ARHGEF28: variants seen among roughly 807,000 people sequenced by gnomAD.
The protein encoded by ARHGEF28 is Rho guanine nucleotide exchange factor 28.
Under a neutral mutation model 206.6 loss-of-function variants are expected in ARHGEF28, and 152 were observed. That is an observed-to-expected ratio of 0.74 (90% CI 0.64 to 0.84). The LOEUF (loss-of-function observed/expected upper bound fraction) is 0.84. Ranked by LOEUF, ARHGEF28 falls within the 40% of genes least tolerant of loss-of-function variation. The pLI is 0.00. For synonymous variants in ARHGEF28, 763 were observed against 776.4 expected, an observed-to-expected ratio of 0.98 and a Z score of 0.29; for missense variants, 2,028 against 2,073.2, an observed-to-expected ratio of 0.98 and a Z score of 0.42.
At chr5:73,630,819 G>A (rs1743323266) in intron 1 of ARHGEF28, among the ~76,000 whole-genome samples, 1 of 152,222 alleles carries the variant, frequency 6.6e-6, no homozygotes, top group African/African-American at 2.4e-5. Context: ...GAATGTGAAT[G>A]TGATGTATTT....
intron 4 of ARHGEF28, among the ~76,000 whole-genome samples, chr5:73,769,793 G>A (rs1753119058): frequency 6.6e-6 from 1 of 152,086 alleles, no homozygotes; most frequent in African/African-American, 2.4e-5. Context: ...TGGAGACCTT[G>A]GTTAATTATT....
intron 14 of ARHGEF28, among the ~76,000 whole-genome samples, chr5:73,853,386 G>T (rs192711601): frequency 1.3e-5 from 2 of 152,226 alleles, no homozygotes; most frequent in African/African-American, 4.8e-5. Flanking sequence ...GACTTTAAGA[G>T]ACCATCTGAA....
intron 10 of ARHGEF28, among the ~76,000 whole-genome samples, chr5:73,837,340 G>C (rs1450518999): frequency 1.3e-5 from 2 of 151,934 alleles, no homozygotes; most frequent in African/African-American, 4.8e-5. Context: ...ATGAACATAG[G>C]ATATCTTTCC....
rs546856098 is a variant in ARHGEF28 at position 73,769,334 on chromosome 5, A to C, written c.476-4521A>C. On this transcript the variant is annotated intron_variant, in intron 4 of 35. Transcript: ENST00000513042. ...GTCACATTCTTCTCTTTTTCCTAAC[A>C]GGTATTGTGCTGACTTTTATAGTAG... Among the ~76,000 whole-genome samples the C allele has an allele frequency of 3.3e-5, 5 of 152,242 alleles. No homozygotes were observed. In the South Asian group the frequency reaches 1.0e-3, roughly 32 times the overall value.
At chr5:73,810,011 A>G (rs1561420121) in intron 9 of ARHGEF28, among the ~76,000 whole-genome samples, 1 of 152,302 alleles carries the variant, frequency 6.6e-6, no homozygotes, top group Non-Finnish European at 1.5e-5. Context: ...GATAAACTAC[A>G]GAAAAAAAAC....
chr5:73,809,537 A>G (rs1755718073), intron 9 of ARHGEF28, among the ~76,000 whole-genome samples: 1 of 152,224 alleles, frequency 6.6e-6, no homozygotes, highest in Non-Finnish European at 1.5e-5. Flanking sequence ...TGTAAGACAC[A>G]GTTCTTGCCC....
At chr5:73,789,396 G>A (rs1006922635) in intron 7 of ARHGEF28, among the ~76,000 whole-genome samples, 2 of 152,140 alleles carry the variant, frequency 1.3e-5, no homozygotes, top group African/African-American at 2.4e-5. Flanking sequence ...GGTGTGGAAG[G>A]AGGATGGTGA....
At chr5:73,672,412 G>A (rs1746407993) in intron 1 of ARHGEF28, among the ~76,000 whole-genome samples, 1 of 152,116 alleles carries the variant, frequency 6.6e-6, no homozygotes, top group African/African-American at 2.4e-5. Flanking sequence ...ACCATGTTCT[G>A]CCAGTCCAGT....
rs1222929339 is a variant in ARHGEF28, at chr5:73,712,372, A to C, written c.33+27488A>C. Among the ~76,000 whole-genome samples the C allele has an allele frequency of 2.0e-5, 3 of 152,202 alleles. No homozygotes were observed. In the East Asian group the frequency reaches 5.8e-4, roughly 29 times the overall value. Reference sequence around the variant, plus strand: ...GTGAGGGAATAAAATGGTAAATAATACTGTGATACTATACATAGTCTACCT... The same window carrying C: ...GTGAGGGAATAAAATGGTAAATAATCCTGTGATACTATACATAGTCTACCT... On this transcript the variant is annotated intron_variant, in intron 2 of 35. Transcript: ENST00000513042.
intron 2 of ARHGEF28, among the ~76,000 whole-genome samples, chr5:73,730,949 A>ATT (rs555896415): frequency 6.9e-6 from 1 of 145,810 alleles, no homozygotes; most frequent in African/African-American, 2.5e-5. Context: ...ACTGAGCTAG[A>ATT]TTTTTTTTTT....
rs570582867 is a variant in ARHGEF28 at position 73,702,775 on chromosome 5, A to G, written c.33+17891A>G. Among the ~76,000 whole-genome samples, 8 of 152,324 alleles carry G rather than the reference A, an allele frequency of 5.3e-5. No homozygotes were observed. The South Asian group carries it at 1.7e-3, about 32-fold the overall frequency. ...GTATGGTATAGATTTTGATAGAGAT[A>G]TTTGAAATGATTATGTAGCCCCTTT... On this transcript the variant is annotated intron_variant, in intron 2 of 35. Coordinates refer to ENST00000513042, the MANE Select transcript of ARHGEF28 (RefSeq NM_001177693.2).
At chr5:73,656,448 G>T (rs1561312724) in intron 1 of ARHGEF28, among the ~76,000 whole-genome samples, 1 of 152,158 alleles carries the variant, frequency 6.6e-6, no homozygotes, top group Non-Finnish European at 1.5e-5. Flanking sequence ...AAACTTGGGA[G>T]ATTTTTGTCT....
intron 11 of ARHGEF28, 79 bp from the exon 12 acceptor site, chr5:73,846,189 T>C: frequency 7.4e-7 from 1 of 1,354,822 alleles, no homozygotes; most frequent in Non-Finnish European, 1.0e-6. Context: ...TGAAAGAATC[T>C]GGATTCAGAG....
intron 26 of ARHGEF28, 57 bp downstream of exon 26, chr5:73,887,736 GA>G (rs1761391668): frequency 9.5e-6 from 13 of 1,365,732 alleles, no homozygotes; most frequent in Non-Finnish European, 1.3e-5. Context: ...ACATTTTCTT[GA>G]AAAATACCTA....
intron 5 of ARHGEF28, among the ~76,000 whole-genome samples, chr5:73,776,003 T>C (rs1435036791): frequency 6.6e-6 from 1 of 152,254 alleles, no homozygotes; most frequent in Non-Finnish European, 1.5e-5. Flanking sequence ...AATTTGTGCA[T>C]GTTTTAATTT....
chr5:73,909,312 C>T (rs1020894884), intron 33 of ARHGEF28, 100 bp from the exon 34 acceptor site: 9 of 1,469,744 alleles, frequency 6.1e-6, no homozygotes, highest in Middle Eastern at 1.8e-4. Context: ...GAAGTGAATT[C>T]GGGCCTGCGT....
chr5:73,839,205 C>A (rs1194239347), intron 10 of ARHGEF28, among the ~76,000 whole-genome samples: 2 of 152,106 alleles, frequency 1.3e-5, no homozygotes, highest in Non-Finnish European at 2.9e-5. Context: ...TTATTAATAT[C>A]TTTCATCTGC....
Position 73,846,459 on chromosome 5 carries a change from G to C in ARHGEF28, c.1619G>C (p.Ser540Thr), listed in dbSNP as rs969737786. The change falls in exon 12 of 36, where the codon AGT becomes ACT. Residue 540 changes from serine to threonine, a missense_variant. Transcript: ENST00000513042. ...ISRAESLPLS[S>T]NLQSKESLLS... The stretch of plus-strand genomic sequence containing the variant: ...AGGGCTGAATCCCTTCCTCTATCAA[G>C]TAATCTACAGTCGAAGGTATTCTTA... The C allele has an allele frequency of 6.2e-6, 10 of 1,613,620 alleles. No individual in the cohort carries two copies. The highest frequency in any genetic ancestry group is 8.5e-6 in the Non-Finnish European group (10 of 1,179,612).
At chr5:73,807,255 G>A (rs1251700882) in intron 9 of ARHGEF28, among the ~76,000 whole-genome samples, 1 of 151,884 alleles carries the variant, frequency 6.6e-6, no homozygotes, top group Non-Finnish European at 1.5e-5. Context: ...TATCTGTGTT[G>A]CCTATGCAAG....
Sources: allele counts gnomAD v4.1 joint callset (sites outside exome capture counted in the v4.1 genomes callset), GRCh38; gene constraint gnomAD v4.1.1; transcripts MANE v1.5; gene names NCBI Gene and HGNC (gene_info 2026-07-23, HGNC 2026-07-21).